FRMD3: variants seen among roughly 807,000 people sequenced by gnomAD.
FRMD3 encodes the protein FERM domain containing 3, also known as FERM domain-containing protein 3.
A neutral mutation model predicts 70.2 loss-of-function variants in FRMD3; 33 were observed. The ratio of observed to expected loss-of-function variants is 0.47; its 90% confidence interval spans 0.36 to 0.63. The LOEUF is 0.63. FRMD3 is among the 20% of genes least tolerant of loss of function. The probability of loss-of-function intolerance (pLI) is 0.00; values close to 1 mark genes in which losing one functional copy is unlikely to be tolerated. For synonymous variants in FRMD3, 279 were observed against 255.9 expected (o/e 1.09, Z -0.86); for missense variants, 632 against 711.4 (o/e 0.89, Z 1.27).
chr9:83,420,010 C>T (rs558324978), intron 1 of FRMD3, among the ~76,000 whole-genome samples: 3 of 152,262 alleles, frequency 2.0e-5, no homozygotes, highest in South Asian at 4.2e-4. Flanking sequence ...AAAGATTCCT[C>T]AGTAGCCTAA....
intron 1 of FRMD3, among the ~76,000 whole-genome samples, chr9:83,470,444 T>C (rs1346187291): frequency 1.3e-5 from 2 of 152,202 alleles, no homozygotes; most frequent in Non-Finnish European, 2.9e-5. Flanking sequence ...GTTTTGAGAT[T>C]TGAGAGAGAA....
intron 1 of FRMD3, among the ~76,000 whole-genome samples, chr9:83,490,739 TA>T (rs905257590): frequency 1.3e-5 from 2 of 151,564 alleles, no homozygotes; most frequent in Non-Finnish European, 2.9e-5. Context: ...AAATAGCTTA[TA>T]AAAAATCCAG....
chr9:83,315,589 C>T (rs1333353910), intron 6 of FRMD3, among the ~76,000 whole-genome samples: 1 of 152,170 alleles, frequency 6.6e-6, no homozygotes, highest in Non-Finnish European at 1.5e-5. Flanking sequence ...GCTCCAGCCA[C>T]ATAAGATGTG....
the FRMD3 span, among the ~76,000 whole-genome samples, chr9:83,580,168 T>C: frequency 6.6e-6 from 1 of 152,056 alleles, no homozygotes. Flanking sequence ...AGGGAACCCA[T>C]GTATGCTGTT....
intron 13 of FRMD3, among the ~76,000 whole-genome samples, chr9:83,269,765 ATTATT>A (rs896910806): frequency 1.7e-4 from 26 of 152,176 alleles, no homozygotes; most frequent in African/African-American, 5.8e-4. Context: ...AAGTATTATT[ATTATT>A]TTAACTATAG....
intron 1 of FRMD3, among the ~76,000 whole-genome samples, chr9:83,521,785 A>G (rs890329529): frequency 1.3e-5 from 2 of 152,250 alleles, no homozygotes; most frequent in African/African-American, 4.8e-5. Flanking sequence ...GAAAAGTATA[A>G]TGCATTTCTT....
At chr9:83,395,655 T>C (rs941275996) in intron 1 of FRMD3, among the ~76,000 whole-genome samples, 2 of 152,114 alleles carry the variant, frequency 1.3e-5, no homozygotes, top group African/African-American at 4.8e-5. Context: ...CTGCTGATGA[T>C]GCATTTACTT....
At chr9:83,299,426 T>C (rs1486426689) in intron 10 of FRMD3, among the ~76,000 whole-genome samples, 1 of 152,264 alleles carries the variant, frequency 6.6e-6, no homozygotes, top group Non-Finnish European at 1.5e-5. Flanking sequence ...TTTAAATTCA[T>C]GACCCACATA....
chr9:83,250,261 C>G (rs1043487556), intron 13 of FRMD3, among the ~76,000 whole-genome samples: 5 of 152,176 alleles, frequency 3.3e-5, no homozygotes, highest in Middle Eastern at 3.4e-3. Flanking sequence ...ACCCAGGAAA[C>G]CACACTTCTC....
chr9:83,519,006 G>T (rs556453886), intron 1 of FRMD3, among the ~76,000 whole-genome samples: 12 of 152,190 alleles, frequency 7.9e-5, no homozygotes, highest in Non-Finnish European at 1.8e-4. Context: ...ATGGATTAAA[G>T]ATTTAAATGT....
In FRMD3 at chr9:83,494,874, CGT is replaced by C. The variant is rs1183104123; in HGVS notation, c.147+43209_147+43210del. Among the ~76,000 whole-genome samples the C allele has an allele frequency of 2.5e-5, 3 of 121,598 alleles. No homozygotes were observed. The South Asian group carries it at 7.7e-4, about 31-fold the overall frequency. The allele number at this position is 121,598 out of a possible 152,430, so 79.8% of individuals were successfully genotyped here. ...GTGTGTGTGTGCGCGCGCGCATGTGCGTGTGTATATATATGATATTTTACAAA... is the reference window on the plus strand; with the variant it reads ...GTGTGTGTGTGCGCGCGCGCATGTGCGTGTATATATATGATATTTTACAAA... On this transcript the variant is annotated intron_variant, in intron 1 of 13. Coordinates refer to ENST00000304195, the MANE Select transcript of FRMD3 (RefSeq NM_174938.6).
intron 1 of FRMD3, among the ~76,000 whole-genome samples, chr9:83,443,327 A>G (rs1827359410): frequency 6.6e-6 from 1 of 152,022 alleles, no homozygotes; most frequent in Admixed American, 6.6e-5. Flanking sequence ...TATGTGATGT[A>G]CCCCGCCCTG....
At chr9:83,416,087 G>A (rs1376919510) in intron 1 of FRMD3, among the ~76,000 whole-genome samples, 1 of 152,144 alleles carries the variant, frequency 6.6e-6, no homozygotes, top group Non-Finnish European at 1.5e-5. Context: ...CAGCCTGTAA[G>A]GGACCTTCAG....
At chr9:83,266,505 G>A (rs1419512053) in intron 13 of FRMD3, among the ~76,000 whole-genome samples, 1 of 152,130 alleles carries the variant, frequency 6.6e-6, no homozygotes, top group Non-Finnish European at 1.5e-5. Flanking sequence ...TATTTACAAT[G>A]AAAAGGAAAT....
upstream of FRMD3, among the ~76,000 whole-genome samples, chr9:83,539,131 C>T (rs12339720): frequency 6.6e-6 from 1 of 152,192 alleles, no homozygotes; most frequent in Non-Finnish European, 1.5e-5. Context: ...CTATCCTACT[C>T]CCCTGCTTTA....
intron 10 of FRMD3, among the ~76,000 whole-genome samples, chr9:83,303,640 C>T (rs1167743705): frequency 6.6e-6 from 1 of 152,200 alleles, no homozygotes; most frequent in Non-Finnish European, 1.5e-5. Context: ...AACTGGGAAA[C>T]TTCTAGCACT....
chr9:83,255,591 A>G (rs113951928), intron 13 of FRMD3, among the ~76,000 whole-genome samples: 1,935 of 150,640 alleles, frequency 0.013, 51 homozygotes, highest in African/African-American at 0.044. Flanking sequence ...AAGTCAAATT[A>G]TCTTTATTTG....
intron 5 of FRMD3, among the ~76,000 whole-genome samples, chr9:83,340,477 T>A (rs1202016519): frequency 6.6e-6 from 1 of 152,156 alleles, no homozygotes; most frequent in Non-Finnish European, 1.5e-5. Context: ...CCAGGTAGAC[T>A]TACCAGAGGA....
At chr9:83,573,465 A>C in the FRMD3 span, among the ~76,000 whole-genome samples, 1 of 152,312 alleles carries the variant, frequency 6.6e-6, no homozygotes, top group East Asian at 1.9e-4. Flanking sequence ...GAATCTTACT[A>C]AAATTAAGTT....
Sources: gnomAD v4.1 joint callset for allele counts (sites outside exome capture counted in the v4.1 genomes callset) on GRCh38, gnomAD v4.1.1 for gene constraint, MANE v1.5 for transcripts, NCBI Gene and HGNC (gene_info 2026-07-23, HGNC 2026-07-21) for gene names.